The following POLR2M variants were observed in gnomAD, a reference collection of about 807,000 sequenced individuals.
POLR2M encodes the protein RNA polymerase II subunit M.
A neutral mutation model predicts 34.6 loss-of-function variants in POLR2M; 30 were observed. That is an observed-to-expected ratio of 0.87 (90% CI 0.65 to 1.18). The LOEUF is 1.18. Among genes scored for constraint, POLR2M ranks in the 50% most tolerant of loss-of-function variants. POLR2M has a pLI of 0.00. For missense variants in POLR2M, 432 were observed against 448.7 expected (o/e 0.96, Z 0.34); for synonymous variants, 150 against 166.7 (o/e 0.90, Z 0.77).
In POLR2M at chr15:57,714,862, A is replaced by G. The variant is rs1567271440; in HGVS notation, c.*183A>G. Reference sequence around the variant, plus strand: ...GACTTTCATGTGCTTGAAAAGTTTAATATTTGAATATTGTGTTTAACCACA... The same window carrying G: ...GACTTTCATGTGCTTGAAAAGTTTAGTATTTGAATATTGTGTTTAACCACA... On this transcript the variant is annotated 3_prime_UTR_variant, in exon 4 of 4. Transcript: ENST00000299638. 1 of 951,888 alleles carries G rather than the reference A, an allele frequency of 1.1e-6. No individual in the cohort carries two copies. The highest frequency in any genetic ancestry group is 1.5e-6 in the Non-Finnish European group (1 of 655,880). The allele number at this position is 951,888 out of a possible 1,614,324, so 59.0% of individuals were successfully genotyped here.
In POLR2M at chr15:57,715,787, A is replaced by G. The variant is rs2040918182; in HGVS notation, c.*1108A>G. On this transcript the variant is annotated 3_prime_UTR_variant, in exon 4 of 4. Coordinates refer to ENST00000299638, the MANE Select transcript of POLR2M (RefSeq NM_015532.5). ...GGAGTCTTTAAAAGTGTTGAAGAAT[A>G]AAATATTAATTAGAACAACTTCAAA... 2.0e-5 allele frequency: 3 copies of G among 152,262 alleles called. No individual in the cohort carries two copies. Among genetic ancestry groups the G allele is most frequent in the African/African-American group, 7.2e-5 (3 of 41,474 alleles). 9.4% of individuals were successfully genotyped at this position (152,262 alleles called of 1,614,324 possible).
chr15:57,706,922 T>C lies in POLR2M; in HGVS notation c.80T>C (p.Met27Thr), dbSNP rs776805797. 8 of 1,603,024 alleles carry C rather than the reference T, an allele frequency of 5.0e-6. No individual in the cohort carries two copies. Among genetic ancestry groups the C allele is most frequent in the South Asian group, 4.5e-5 (4 of 88,912 alleles). Residue 27 changes from methionine to threonine, a missense_variant, in exon 1 of 4, where the codon ATG (methionine) becomes ACG (threonine). Coordinates refer to ENST00000299638, the MANE Select transcript of POLR2M (RefSeq NM_015532.5). ...CGGAGTTTGGTGGAGCTGCGGGAAA[T>C]GTTGAAGCGCCAGGAGAGACTTTTG... ...AQRSLVELRE[M>T]LKRQERLLRN...
rs1315310136 is a variant in POLR2M at position 57,715,864 on chromosome 15, G to A, written c.*1185G>A. On this transcript the variant is annotated 3_prime_UTR_variant, in exon 4 of 4. Coordinates refer to ENST00000299638, the MANE Select transcript of POLR2M (RefSeq NM_015532.5). ...TAATTAAATACAACTTTTTCCTTTCGAAAAAGACTGTTCACATTTGCTTCC... is the reference window on the plus strand; with the variant it reads ...TAATTAAATACAACTTTTTCCTTTCAAAAAAGACTGTTCACATTTGCTTCC... 1 of 152,180 alleles carries A rather than the reference G, an allele frequency of 6.6e-6. No homozygotes were observed. The highest frequency in any genetic ancestry group is 1.5e-5 in the Non-Finnish European group (1 of 68,026). The allele number at this position is 152,180 out of a possible 1,614,324, so 9.4% of individuals were successfully genotyped here.
Position 57,709,098 on chromosome 15 carries a change from T to C in POLR2M, c.498T>C (p.Ser166=). 6.2e-7 allele frequency: 1 copy of C among 1,614,212 alleles called. No homozygotes were observed. The highest frequency in any genetic ancestry group is 8.5e-7 in the Non-Finnish European group (1 of 1,180,042). Residue 166 remains serine, a synonymous_variant, in exon 2 of 4, where the codon TCT becomes TCC. Transcript: ENST00000299638. ...SSNRDRVPPS[S]EASEHHPRHR... Reference sequence around the variant, plus strand: ...ATAGAGACAGGGTACCACCTTCATCTGAAGCTAGTGAGCATCACCCGCGGC... The same window carrying C: ...ATAGAGACAGGGTACCACCTTCATCCGAAGCTAGTGAGCATCACCCGCGGC...
At chr15:57,707,138 C>G (rs777940094) in intron 1 of POLR2M, 183 bp downstream of exon 1, 1 of 1,534,124 alleles carries the variant, frequency 6.5e-7, no homozygotes, top group Non-Finnish European at 8.8e-7. Flanking sequence ...CTCTTCCTGG[C>G]CAGGCACGTA....
Position 57,708,855 on chromosome 15 carries a change from GCA to G in POLR2M, c.256_257del (p.Gln86LysfsTer7), listed in dbSNP as rs1355937503. Reference protein sequence around the residue: ...NPVSLDCKLRQKAIAEVDVGT... With the variant: ...NPVSLDCKLRXKAIAEVDVGT... ...CTGTTAGTTTAGACTGTAAGCTAAGGCAAAAAGCAATTGCAGAAGTTGATGTG... is the reference window on the plus strand; with the variant it reads ...CTGTTAGTTTAGACTGTAAGCTAAGGAAAAGCAATTGCAGAAGTTGATGTG... On this transcript the variant is annotated frameshift_variant, in exon 2 of 4. Transcript: ENST00000299638. LOFTEE classifies it high-confidence loss of function. 6.2e-7 allele frequency: 1 copy of G among 1,613,860 alleles called. No homozygotes were observed. Among genetic ancestry groups the G allele is most frequent in the African/African-American group, 1.3e-5 (1 of 74,922 alleles).
chr15:57,707,263 A>T, intron 1 of POLR2M: 1 of 1,058,684 alleles, frequency 9.4e-7, no homozygotes, highest in Non-Finnish European at 1.3e-6. Context: ...TGCTTTCTAA[A>T]CCCTTTTGTC....
chr15:57,708,306 G>A (rs1312013124), intron 1 of POLR2M, among the ~76,000 whole-genome samples: 2 of 152,220 alleles, frequency 1.3e-5, no homozygotes, highest in Admixed American at 6.5e-5. Flanking sequence ...GCGAGAAAAT[G>A]AGAGGGAAAT....
At chr15:57,707,332 G>A (rs905864724) in intron 1 of POLR2M, 5 of 724,412 alleles carry the variant, frequency 6.9e-6, no homozygotes, top group Middle Eastern at 2.3e-4. Context: ...TAAGCTTACA[G>A]GAACCGTAGG....
chr15:57,711,412 A>G (rs1312873998), intron 2 of POLR2M, among the ~76,000 whole-genome samples: 4 of 152,166 alleles, frequency 2.6e-5, no homozygotes, highest in South Asian at 4.1e-4. Flanking sequence ...GGCCTAGGCT[A>G]CTTCCCAGCC....
chr15:57,712,380 G>A (rs950154793), intron 3 of POLR2M, among the ~76,000 whole-genome samples, 192 bp downstream of exon 3: 2 of 152,170 alleles, frequency 1.3e-5, no homozygotes, highest in Non-Finnish European at 2.9e-5. Context: ...GATGATCACA[G>A]CTACCTTCAA....
intron 3 of POLR2M, among the ~76,000 whole-genome samples, chr15:57,714,059 G>A (rs889158679): frequency 6.6e-6 from 1 of 151,874 alleles, no homozygotes; most frequent in African/African-American, 2.4e-5. Context: ...GTGTTAGCCA[G>A]GATGGTCTCG....
chr15:57,707,212 T>A, intron 1 of POLR2M: 1 of 1,429,300 alleles, frequency 7.0e-7, no homozygotes, highest in South Asian at 1.4e-5. Flanking sequence ...TAGCCCCTGG[T>A]CGGTTTTATT....
At position 57,715,807 on chromosome 15, in the gene POLR2M, T is replaced by C. The variant is rs1478587715; in HGVS notation, c.*1128T>C. 6.6e-6 allele frequency: 1 copy of C among 152,272 alleles called. No individual in the cohort carries two copies. The highest frequency in any genetic ancestry group is 1.9e-4 in the East Asian group (1 of 5,208). 9.4% of individuals were successfully genotyped at this position (152,272 alleles called of 1,614,324 possible). A position where few individuals can be genotyped will look rare whatever the true frequency, so the allele number is the denominator to read the frequency against. The stretch of plus-strand genomic sequence containing the variant: ...AGAATAAAATATTAATTAGAACAAC[T>C]TCAAATGCTAAGGTGATGTTTTACC... On this transcript the variant is annotated 3_prime_UTR_variant, in exon 4 of 4. Transcript: ENST00000299638.
Position 57,706,830 on chromosome 15 carries a change from C to G in POLR2M, c.-13C>G. 6.4e-7 allele frequency: 1 copy of G among 1,554,506 alleles called. No homozygotes were observed. The highest frequency in any genetic ancestry group is 8.7e-7 in the Non-Finnish European group (1 of 1,147,884). On this transcript the variant is annotated 5_prime_UTR_variant, in exon 1 of 4. Coordinates refer to ENST00000299638, the MANE Select transcript of POLR2M (RefSeq NM_015532.5). ...CGAGTGCCCGCCGCCGCGCCAGCCT[C>G]AGCCCGCGCAGAATGTGCTCGCTGC...
Position 57,709,175 on chromosome 15 carries a change from T to G in POLR2M, c.575T>G (p.Phe192Cys). Reference sequence around the variant, plus strand: ...ACTTCCAGCAGCTTTGACAACCTGTTTATTGACAGGTTACAGAGGATCACC... The same window carrying G: ...ACTTCCAGCAGCTTTGACAACCTGTGTATTGACAGGTTACAGAGGATCACC... ...EDTSSSFDNLFIDRLQRITIA... is the reference protein window; with the variant it reads ...EDTSSSFDNLCIDRLQRITIA... Residue 192 changes from phenylalanine (F) to cysteine (C), a missense_variant, in exon 2 of 4, where the codon TTT (phenylalanine) becomes TGT (cysteine). Phe to Cys is a radical substitution (Grantham distance 205, BLOSUM62 -2). Coordinates refer to ENST00000299638, the MANE Select transcript of POLR2M (RefSeq NM_015532.5). 6.2e-7 allele frequency: 1 copy of G among 1,614,164 alleles called. No individual in the cohort carries two copies.
Position 57,706,961 on chromosome 15 carries a change from C to G in POLR2M, c.113+6C>G, listed in dbSNP as rs1449549542. ...GAGAGACTTTTGCGCAACGAGTAAG[C>G]TGGGGTCCCGCGGAGTCTCCGCCAG... On this transcript the variant is annotated splice_donor_region_variant and intron_variant, in intron 1 of 3. Transcript: ENST00000299638. 5.0e-6 allele frequency: 8 copies of G among 1,586,620 alleles called. No individual in the cohort carries two copies. Among genetic ancestry groups the G allele is most frequent in the African/African-American group, 1.3e-5 (1 of 74,612 alleles).
Position 57,706,942 on chromosome 15 carries a change from C to G in POLR2M, c.100C>G (p.Leu34Val), listed in dbSNP as rs766780020. ...LREMLKRQER[L>V]LRNEKFICKL... ...GGAAATGTTGAAGCGCCAGGAGAGA[C>G]TTTTGCGCAACGAGTAAGCTGGGGT... The change falls in exon 1 of 4, where the codon CTT becomes GTT. Residue 34 changes from leucine to valine, a missense_variant. Leu to Val is a conservative substitution (Grantham distance 32). Coordinates refer to ENST00000299638, the MANE Select transcript of POLR2M (RefSeq NM_015532.5). 1 of 1,602,136 alleles carries G rather than the reference C, an allele frequency of 6.2e-7. No individual in the cohort carries two copies. The highest frequency in any genetic ancestry group is 1.3e-5 in the African/African-American group (1 of 74,916).
intron 1 of POLR2M, 169 bp downstream of exon 1, chr15:57,707,124 G>A: frequency 6.5e-7 from 1 of 1,541,098 alleles, no homozygotes; most frequent in Non-Finnish European, 8.8e-7. Context: ...CGGCAGAGCC[G>A]TGCCTCTTCC....
Sources: gnomAD v4.1 joint callset for allele counts (sites outside exome capture counted in the v4.1 genomes callset) on GRCh38, gnomAD v4.1.1 for gene constraint, MANE v1.5 for transcripts, NCBI Gene and HGNC (gene_info 2026-07-23, HGNC 2026-07-21) for gene names.